The following MUSK variants were observed in gnomAD, a reference collection of about 807,000 sequenced individuals.
MUSK encodes muscle associated receptor tyrosine kinase.
MUSK carries 55 observed loss-of-function variants against 88.7 expected under a neutral mutation model. The observed-to-expected ratio is 0.62, with a 90% CI of 0.50 to 0.78. The LOEUF (loss-of-function observed/expected upper bound fraction) is 0.78, where lower values mean the gene tolerates loss of function less well. Ranked by LOEUF, MUSK falls within the 30% of genes least tolerant of loss-of-function variation. MUSK has a pLI of 0.00. For missense variants in MUSK, 1,015 were observed against 1,074.3 expected (o/e 0.94, Z 0.77); for synonymous variants, 387 against 391.9 (o/e 0.99, Z 0.15).
intron 14 of MUSK, among the ~76,000 whole-genome samples, chr9:110,797,179 A>T (rs1588049991): frequency 7.1e-6 from 1 of 141,686 alleles, no homozygotes; most frequent in Middle Eastern, 3.3e-3. Flanking sequence ...AAAAAAAAAA[A>T]AAAAAAAAAG....
chr9:110,676,434 G>A (rs1362808076), intron 1 of MUSK, among the ~76,000 whole-genome samples: 1 of 145,742 alleles, frequency 6.9e-6, no homozygotes, highest in Non-Finnish European at 1.5e-5. Flanking sequence ...AGTGCAGGAT[G>A]TGCAGTTTTG....
At chr9:110,797,181 A>G (rs1482361709) in intron 14 of MUSK, among the ~76,000 whole-genome samples, 3 of 142,156 alleles carry the variant, frequency 2.1e-5, no homozygotes. Context: ...AAAAAAAAAA[A>G]AAAAAAAGAA....
intron 5 of MUSK, among the ~76,000 whole-genome samples, chr9:110,733,738 T>C (rs1189375100): frequency 2.0e-5 from 3 of 151,982 alleles, no homozygotes; most frequent in African/African-American, 7.3e-5. Context: ...AATACAGCAG[T>C]CAACGAAAGG....
intron 11 of MUSK, 148 bp from the exon 12 acceptor site, chr9:110,784,667 C>T: frequency 1.7e-6 from 1 of 577,326 alleles, no homozygotes; most frequent in Non-Finnish European, 2.9e-6. Flanking sequence ...ACAACTAGAC[C>T]TTACTGAACT....
At chr9:110,702,508 C>G (rs967226059) in intron 5 of MUSK, among the ~76,000 whole-genome samples, 1 of 152,120 alleles carries the variant, frequency 6.6e-6, no homozygotes, top group Non-Finnish European at 1.5e-5. Flanking sequence ...ACCAGGTCAT[C>G]TTAGGAGTGA....
At chr9:110,714,488 C>A (rs2076719786) in intron 5 of MUSK, among the ~76,000 whole-genome samples, 1 of 152,128 alleles carries the variant, frequency 6.6e-6, no homozygotes, top group African/African-American at 2.4e-5. Context: ...AGCTTGCCTT[C>A]TGACTCCTTC....
At chr9:110,775,444 T>A (rs527545851) in intron 9 of MUSK, 1 of 309,738 alleles carries the variant, frequency 3.2e-6, no homozygotes, top group Non-Finnish European at 6.2e-6. Flanking sequence ...TTAAACTCTG[T>A]ATACCTTTTT....
At chr9:110,679,813 C>T (rs1446655250) in intron 1 of MUSK, among the ~76,000 whole-genome samples, 1 of 74,150 alleles carries the variant, frequency 1.3e-5, no homozygotes, top group African/African-American at 1.0e-4. Flanking sequence ...ATATTTCTGT[C>T]CTCTTGTTTA....
At chr9:110,702,791 C>T (rs990797902) in intron 5 of MUSK, among the ~76,000 whole-genome samples, 1 of 151,764 alleles carries the variant, frequency 6.6e-6, no homozygotes, top group Non-Finnish European at 1.5e-5. Flanking sequence ...TATTTGGGAG[C>T]CTGAAGTGGG....
chr9:110,689,253 T>C (rs1416395197), intron 3 of MUSK, among the ~76,000 whole-genome samples: 1 of 119,684 alleles, frequency 8.4e-6, no homozygotes, highest in Admixed American at 9.7e-5. Context: ...ATAAACTATA[T>C]ATTTATATAT....
intron 8 of MUSK, among the ~76,000 whole-genome samples, chr9:110,764,692 A>G (rs2077452446): frequency 6.6e-6 from 1 of 152,150 alleles, no homozygotes; most frequent in East Asian, 1.9e-4. Flanking sequence ...TAATCCAAGC[A>G]CTGATATAAT....
intron 9 of MUSK, 104 bp downstream of exon 9, chr9:110,768,187 C>T: frequency 8.1e-7 from 1 of 1,237,792 alleles, no homozygotes; most frequent in Admixed American, 2.3e-5. Context: ...AAAGGAAAAG[C>T]TGGTTTTCAT....
intron 1 of MUSK, among the ~76,000 whole-genome samples, chr9:110,677,115 C>CCTTT (rs756479884): frequency 2.0e-5 from 3 of 152,316 alleles, no homozygotes; most frequent in Non-Finnish European, 4.4e-5. Flanking sequence ...TCAATTATCT[C>CCTTT]CTGTCTTTCT....
At chr9:110,673,932 A>G (rs893975290) in intron 1 of MUSK, among the ~76,000 whole-genome samples, 8 of 152,140 alleles carry the variant, frequency 5.3e-5, no homozygotes, top group Admixed American at 4.6e-4. Flanking sequence ...CCTTATTAAC[A>G]TTGTGCTGCC....
At chr9:110,781,522 C>T (rs149640979) in intron 11 of MUSK, among the ~76,000 whole-genome samples, 7,857 of 152,196 alleles carry the variant, frequency 0.052, 714 homozygotes, top group African/African-American at 0.18. Flanking sequence ...GTGATTCACC[C>T]GCCTTAGCCT....
intron 8 of MUSK, among the ~76,000 whole-genome samples, chr9:110,763,102 A>T (rs562756609): frequency 1.3e-4 from 20 of 152,320 alleles, no homozygotes; most frequent in African/African-American, 4.6e-4. Flanking sequence ...GTTTTTTTTA[A>T]CTAAAAACAC....
chr9:110,743,335 T>G (rs2077128328), intron 6 of MUSK, among the ~76,000 whole-genome samples: 1 of 152,216 alleles, frequency 6.6e-6, no homozygotes, highest in Admixed American at 6.5e-5. Context: ...AAATCTGAAT[T>G]CACAGATGAA....
intron 5 of MUSK, among the ~76,000 whole-genome samples, chr9:110,713,589 A>C (rs748320580): frequency 1.2e-4 from 19 of 152,066 alleles, no homozygotes; most frequent in Non-Finnish European, 2.8e-4. Context: ...AAACGGGTAG[A>C]TACCTAACAT....
intron 3 of MUSK, among the ~76,000 whole-genome samples, chr9:110,689,363 C>G (rs2067321690): frequency 9.1e-6 from 1 of 109,818 alleles, no homozygotes; most frequent in Non-Finnish European, 1.7e-5. Context: ...TATATAAATA[C>G]ATATTTATAT....
Sources: gnomAD v4.1 joint callset for allele counts (sites outside exome capture counted in the v4.1 genomes callset) on GRCh38, gnomAD v4.1.1 for gene constraint, MANE v1.5 for transcripts, NCBI Gene and HGNC (gene_info 2026-07-23, HGNC 2026-07-21) for gene names.